Variants in CAST observed in about 807,000 individuals in gnomAD.
CAST encodes the protein calpastatin.
In CAST, 76 loss-of-function variants were observed where a neutral mutation model predicts 119.6. That is an observed-to-expected ratio of 0.64 (90% CI 0.53 to 0.77). The LOEUF (loss-of-function observed/expected upper bound fraction) is 0.77, where lower values mean the gene tolerates loss of function less well. CAST is among the 30% of genes least tolerant of loss of function. CAST has a pLI of 0.00. For missense variants in CAST, 953 were observed against 946.5 expected (o/e 1.01, Z -0.09); for synonymous variants, 319 against 331.6 (o/e 0.96, Z 0.41).
intron 1 of CAST, among the ~76,000 whole-genome samples, chr5:96,672,326 A>C (rs1337829205): frequency 6.6e-6 from 1 of 152,152 alleles, no homozygotes; most frequent in African/African-American, 2.4e-5. Flanking sequence ...AGTTGTTGAA[A>C]TCTGAGCGGG....
the CAST span, among the ~76,000 whole-genome samples, chr5:96,430,924 A>G: frequency 6.6e-5 from 10 of 152,204 alleles, no homozygotes; most frequent in Non-Finnish European, 1.2e-4. Flanking sequence ...ATGTTTATTT[A>G]TTTTGAAAAG....
At chr5:96,536,269 G>T (rs149578929) in intron 1 of CAST, among the ~76,000 whole-genome samples, 1 of 152,176 alleles carries the variant, frequency 6.6e-6, no homozygotes, top group African/African-American at 2.4e-5. Context: ...TGAAGCAGGA[G>T]AATCACTTGA....
the CAST span, among the ~76,000 whole-genome samples, chr5:96,398,491 A>G: frequency 1.3e-5 from 2 of 152,206 alleles, no homozygotes. Context: ...CTGAATTCCC[A>G]GTTTTCAATG....
chr5:96,375,912 TAA>T, the CAST span, among the ~76,000 whole-genome samples: 2 of 146,588 alleles, frequency 1.4e-5, no homozygotes, highest in African/African-American at 5.0e-5. Flanking sequence ...TATATATATA[TAA>T]ATATATAAAT....
chr5:96,610,008 A>C (rs1747330592), intron 1 of CAST, among the ~76,000 whole-genome samples: 1 of 152,146 alleles, frequency 6.6e-6, no homozygotes, highest in Non-Finnish European at 1.5e-5. Context: ...TCTCATCTTG[A>C]ATTATAGCTC....
chr5:96,287,404 C>T, the CAST span, among the ~76,000 whole-genome samples: 5 of 152,036 alleles, frequency 3.3e-5, no homozygotes, highest in African/African-American at 4.8e-5. Flanking sequence ...TATCAAAAGC[C>T]CTCAATTTCT....
At chr5:96,609,705 C>T (rs1264040553) in intron 1 of CAST, among the ~76,000 whole-genome samples, 2 of 152,126 alleles carry the variant, frequency 1.3e-5, no homozygotes, top group Non-Finnish European at 2.9e-5. Context: ...TCTTTCAAAA[C>T]CAGAGGATGA....
At chr5:96,346,799 C>T in the CAST span, among the ~76,000 whole-genome samples, 72 of 152,244 alleles carry the variant, frequency 4.7e-4, no homozygotes, top group Middle Eastern at 6.8e-3. Context: ...CATAAGTTGG[C>T]TTCCTGGTCT....
At chr5:96,536,031 GTTTTTTTTT>G (rs533558053) in intron 1 of CAST, among the ~76,000 whole-genome samples, 2 of 103,856 alleles carry the variant, frequency 1.9e-5, no homozygotes, top group African/African-American at 8.0e-5. Flanking sequence ...AATATTTAAG[GTTTTTTTTT>G]TTTTTTTTTT....
chr5:96,526,807 A>G (rs1745603170), upstream of CAST, among the ~76,000 whole-genome samples: 2 of 152,228 alleles, frequency 1.3e-5, no homozygotes, highest in African/African-American at 4.8e-5. Flanking sequence ...GCCAAGGTTG[A>G]GGACACACCC....
At chr5:96,728,887 G>T in intron 6 of CAST, 1 of 381,428 alleles carries the variant, frequency 2.6e-6, no homozygotes. Context: ...AGAGACATAC[G>T]TGTATTTGAA....
rs1769477983 is a variant in CAST at position 96,765,320 on chromosome 5, G to A, written c.2032G>A (p.Val678Ile). 2.7e-6 allele frequency: 1 copy of A among 366,930 alleles called. No homozygotes were observed. The highest frequency in any genetic ancestry group is 4.5e-6 in the Non-Finnish European group (1 of 223,520). 22.7% of individuals were successfully genotyped at this position (366,930 alleles called of 1,614,324 possible). ...TGAGAACAAACCAATGGAAGATAAA[G>A]TAAAGGTAAAAAAAAAAAAAAAAAA... ...PDENKPMEDK[V>I]KEKAKAEHRD... Residue 678 changes from valine to isoleucine, a missense_variant, in exon 26 of 32, where the codon GTA (valine) becomes ATA (isoleucine). Coordinates refer to ENST00000675179, the MANE Select transcript of CAST (RefSeq NM_001750.7).
the CAST span, among the ~76,000 whole-genome samples, chr5:96,036,908 A>G: frequency 6.6e-6 from 1 of 152,276 alleles, no homozygotes; most frequent in Middle Eastern, 3.4e-3. Flanking sequence ...ATTTGTAAAT[A>G]AAATGTCTGA....
At chr5:96,392,190 G>A in the CAST span, 1 of 151,360 alleles carries the variant, frequency 6.6e-6, no homozygotes, top group South Asian at 2.1e-4. Context: ...TTTTTTCTGG[G>A]AAAGTGGTAT....
At chr5:96,642,054 G>T (rs760898281) in intron 1 of CAST, among the ~76,000 whole-genome samples, 6 of 152,204 alleles carry the variant, frequency 3.9e-5, no homozygotes, top group Non-Finnish European at 8.8e-5. Context: ...TCTCAGAAAT[G>T]CTTCCTCTCT....
chr5:96,021,823 C>T, the CAST span, among the ~76,000 whole-genome samples: 1 of 152,154 alleles, frequency 6.6e-6, no homozygotes. Context: ...GCCTCTTCAT[C>T]TCAAAAGAAT....
chr5:96,578,401 A>G (rs1205274388), intron 1 of CAST, among the ~76,000 whole-genome samples: 3 of 151,448 alleles, frequency 2.0e-5, no homozygotes, highest in Non-Finnish European at 4.4e-5. Flanking sequence ...AGGTAATACA[A>G]TCTCACCTTT....
At chr5:96,375,677 G>A in the CAST span, among the ~76,000 whole-genome samples, 1 of 151,650 alleles carries the variant, frequency 6.6e-6, no homozygotes, top group Non-Finnish European at 1.5e-5. Flanking sequence ...CTGACTTTAA[G>A]TAAAGGAGAT....
At chr5:96,060,533 C>A in the CAST span, among the ~76,000 whole-genome samples, 1 of 151,980 alleles carries the variant, frequency 6.6e-6, no homozygotes, top group Non-Finnish European at 1.5e-5. Context: ...GTAAAACATC[C>A]ACTCGGCCTC....
Sources: gnomAD v4.1 joint callset for allele counts (sites outside exome capture counted in the v4.1 genomes callset) on GRCh38, gnomAD v4.1.1 for gene constraint, MANE v1.5 for transcripts, NCBI Gene and HGNC (gene_info 2026-07-23, HGNC 2026-07-21) for gene names.